The following NEMF variants were observed in gnomAD, a reference collection of about 807,000 sequenced individuals.
NEMF encodes nuclear export mediator factor, also known as ribosome quality control complex subunit NEMF.
Under a neutral mutation model 162.2 loss-of-function variants are expected in NEMF, and 89 were observed. The ratio of observed to expected loss-of-function variants is 0.55; its 90% confidence interval spans 0.46 to 0.65. NEMF has a LOEUF of 0.65. Ranked by LOEUF, NEMF falls within the 30% of genes least tolerant of loss-of-function variation. The pLI, the probability that NEMF is intolerant of heterozygous loss-of-function variation, is 0.00. For missense variants in NEMF, 1,133 were observed against 1,261.9 expected (o/e 0.90, Z 1.55); for synonymous variants, 421 against 404.5 (o/e 1.04, Z -0.49).
Position 49,805,776 on chromosome 14 carries a change from C to A in NEMF, c.1857+245G>T, listed in dbSNP as rs907738613. ...CATTTACCTCTCTGCTCAAATCCTACCTTCCTAGAAAGGTTCCCCCAATAC... is the reference window on the plus strand; with the variant it reads ...CATTTACCTCTCTGCTCAAATCCTAACTTCCTAGAAAGGTTCCCCCAATAC... On this transcript the variant is annotated intron_variant, in intron 19 of 32. Transcript: ENST00000298310. Among the ~76,000 whole-genome samples the A allele has an allele frequency of 3.3e-5, 5 of 152,204 alleles. No homozygotes were observed. The South Asian group carries it at 1.0e-3, about 32-fold the overall frequency.
chr14:49,833,554 G>T, intron 7 of NEMF, 58 bp from the exon 8 acceptor site: 1 of 1,135,296 alleles, frequency 8.8e-7, no homozygotes, highest in Non-Finnish European at 1.3e-6. Context: ...AATTAACCGT[G>T]GCTAAACAAC....
intron 16 of NEMF, chr14:49,820,146 T>G: frequency 4.5e-6 from 1 of 222,274 alleles, no homozygotes; most frequent in Non-Finnish European, 9.1e-6. Context: ...GAAACGGGGG[T>G]TCACCTTATT....
At chr14:49,789,604 A>T in intron 26 of NEMF, 31 bp from the exon 27 acceptor site, 2 of 1,590,462 alleles carry the variant, frequency 1.3e-6, no homozygotes, top group Non-Finnish European at 1.7e-6. Context: ...GGTTGGAAAT[A>T]TTCAGCAGCA....
At position 49,838,134 on chromosome 14, in the gene NEMF, C is replaced by T; in HGVS notation, c.574+5G>A. The T allele has an allele frequency of 6.2e-7, 1 of 1,605,686 alleles. No homozygotes were observed. Among genetic ancestry groups the T allele is most frequent in the Non-Finnish European group, 8.5e-7 (1 of 1,173,358 alleles). On this transcript the variant is annotated splice_donor_5th_base_variant and intron_variant, in intron 6 of 32. Coordinates refer to ENST00000298310, the MANE Select transcript of NEMF (RefSeq NM_004713.6). ...CATTTCACTGCTATTTGCAGGAATA[C>T]TCACGAAGTAATGGGTTAAGCACCC...
intron 28 of NEMF, among the ~76,000 whole-genome samples, chr14:49,788,567 T>C (rs1890291320): frequency 6.7e-6 from 1 of 150,336 alleles, no homozygotes; most frequent in Admixed American, 6.6e-5. Flanking sequence ...TCTTTTTTTT[T>C]TTTTTTTTGA....
chr14:49,782,812 T>G lies in NEMF; in HGVS notation c.*1824A>C. The G allele has an allele frequency of 6.2e-7, 1 of 1,607,128 alleles. No individual in the cohort carries two copies. Among genetic ancestry groups the G allele is most frequent in the Non-Finnish European group, 8.5e-7 (1 of 1,177,532 alleles). On this transcript the variant is annotated 3_prime_UTR_variant, in exon 33 of 33. Coordinates refer to ENST00000298310, the MANE Select transcript of NEMF (RefSeq NM_004713.6). ...CAGTAAAGTGAAATTACTTTTCTCT[T>G]TCCTTGTCCACTTTCAGGCTAAGCT...
chr14:49,843,510 T>C (rs997929069), intron 4 of NEMF, among the ~76,000 whole-genome samples: 4 of 152,094 alleles, frequency 2.6e-5, no homozygotes, highest in Admixed American at 1.3e-4. Context: ...ATAAAAAATA[T>C]TGCATAAAAG....
chr14:49,800,677 A>C lies in NEMF; in HGVS notation c.2115T>G (p.Ser705Arg), dbSNP rs753460004. 4.3e-6 allele frequency: 7 copies of C among 1,613,560 alleles called. No homozygotes were observed. The South Asian group carries it at 7.7e-5, about 18-fold the overall frequency. The change falls in exon 23 of 33, where the codon AGT becomes AGG. Residue 705 changes from serine (S) to arginine (R), a missense_variant. This residue lies in a region of NEMF where 532 missense variants were observed against 578.6 expected (regional missense o/e 0.92). Transcript: ENST00000298310. The stretch of plus-strand genomic sequence containing the variant: ...TTTCATGTTCTTCTTTATCCTCATC[A>C]CTGCTCGTGTCACCTCCATCTGTAG... ...MEQLDGGDTS[S>R]DEDKEEHETP... is the part of the protein sequence containing the mutation.
chr14:49,848,537 C>T (rs1294101310), intron 3 of NEMF, among the ~76,000 whole-genome samples: 1 of 152,038 alleles, frequency 6.6e-6, no homozygotes, highest in Admixed American at 6.6e-5. Context: ...AGAATGCTTT[C>T]TTCAAGACTC....
chr14:49,847,392 C>T (rs952347932), intron 3 of NEMF, among the ~76,000 whole-genome samples: 1 of 151,506 alleles, frequency 6.6e-6, no homozygotes, highest in African/African-American at 2.4e-5. Flanking sequence ...TTAGTAGAGA[C>T]GGGGTTTCTC....
intron 4 of NEMF, among the ~76,000 whole-genome samples, chr14:49,844,167 T>C (rs1214397291): frequency 1.3e-5 from 2 of 151,654 alleles, no homozygotes; most frequent in Admixed American, 6.6e-5. Flanking sequence ...AGGGACCAGT[T>C]TCATGGAAGA....
chr14:49,824,282 C>T (rs371664103), intron 16 of NEMF, among the ~76,000 whole-genome samples: 2 of 150,916 alleles, frequency 1.3e-5, no homozygotes, highest in Non-Finnish European at 3.0e-5. Context: ...TGGTGGCTCA[C>T]GCCTGTAATC....
chr14:49,822,800 G>A (rs114265025), intron 16 of NEMF, among the ~76,000 whole-genome samples: 3,101 of 151,860 alleles, frequency 0.02, 97 homozygotes, highest in African/African-American at 0.069. Flanking sequence ...GCCATGTTAA[G>A]TGAAGAAAGG....
At chr14:49,806,250 ATATATATTTTTT>A (rs1466832116) in intron 18 of NEMF, 117 bp from the exon 19 acceptor site, 4 of 19,164 alleles carry the variant, frequency 2.1e-4, no homozygotes, top group East Asian at 3.5e-3. Context: ...ATATATATAT[ATATATATTTTTT>A]TTTTTTTTTT....
chr14:49,817,111 C>T (rs1272603384), intron 16 of NEMF, among the ~76,000 whole-genome samples: 1 of 152,118 alleles, frequency 6.6e-6, no homozygotes, highest in Non-Finnish European at 1.5e-5. Context: ...TATGATGCTC[C>T]TTTAAAATAT....
rs139214365 is a variant in NEMF, at chr14:49,811,318, G to T, written c.1744+2670C>A. ...CTGATCTCATATCCTGGACATTGCT[G>T]AACTTGTTTATTAGCTCTGATAATT... On this transcript the variant is annotated intron_variant, in intron 18 of 32. Transcript: ENST00000298310. Among the ~76,000 whole-genome samples, 3 of 152,272 alleles carry T rather than the reference G, an allele frequency of 2.0e-5. No individual in the cohort carries two copies. In the East Asian group the frequency reaches 5.8e-4, roughly 29 times the overall value.
rs1892509209 is a variant in NEMF, at chr14:49,829,053, C to T, written c.1232+1G>A. The T allele has an allele frequency of 6.2e-7, 1 of 1,612,806 alleles. No individual in the cohort carries two copies. The highest frequency in any genetic ancestry group is 8.5e-7 in the Non-Finnish European group (1 of 1,178,990). On this transcript the variant is annotated splice_donor_variant, in intron 13 of 32. Coordinates refer to ENST00000298310, the MANE Select transcript of NEMF (RefSeq NM_004713.6). LOFTEE classifies it high-confidence loss of function. ...ACTGCTTGACTAAGAGTCAAACTTACCTTAGCAGCATTGTAACATGGTTTG... is the reference window on the plus strand; with the variant it reads ...ACTGCTTGACTAAGAGTCAAACTTATCTTAGCAGCATTGTAACATGGTTTG...
intron 19 of NEMF, among the ~76,000 whole-genome samples, chr14:49,804,194 C>T (rs1423391738): frequency 5.3e-5 from 8 of 151,534 alleles, no homozygotes; most frequent in African/African-American, 9.7e-5. Flanking sequence ...TTAGTAGAGA[C>T]GGGGTTTCAC....
chr14:49,845,209 C>G (rs1203043379), intron 4 of NEMF, among the ~76,000 whole-genome samples: 1 of 152,134 alleles, frequency 6.6e-6, no homozygotes. Flanking sequence ...TCTCCTGCCT[C>G]AGCCTCCCGA....
Sources: allele counts gnomAD v4.1 joint callset (sites outside exome capture counted in the v4.1 genomes callset), GRCh38; gene constraint gnomAD v4.1.1; regional missense constraint gnomAD v4.1.1; transcripts MANE v1.5; gene names NCBI Gene and HGNC (gene_info 2026-07-23, HGNC 2026-07-21).